Variants in ZFR observed in about 807,000 individuals in gnomAD.
The protein encoded by ZFR is zinc finger RNA-binding protein.
In ZFR, 19 loss-of-function variants were observed where a neutral mutation model predicts 130.7. That is an observed-to-expected ratio of 0.15 (90% CI 0.10 to 0.21). The LOEUF is 0.21. Among genes scored for constraint, ZFR ranks in the 10% least tolerant of loss-of-function variants. ZFR has a pLI of 1.00. For missense variants in ZFR, 872 were observed against 1,321.5 expected (o/e 0.66, Z 5.27); for synonymous variants, 466 against 456.9 (o/e 1.02, Z -0.25).
intron 5 of ZFR, among the ~76,000 whole-genome samples, chr5:32,409,195 G>A (rs1445980504): frequency 1.3e-5 from 2 of 152,168 alleles, no homozygotes; most frequent in Non-Finnish European, 2.9e-5. Flanking sequence ...GAAATATGGT[G>A]AATAGGCAGT....
intron 2 of ZFR, among the ~76,000 whole-genome samples, chr5:32,423,750 A>G (rs1238132077): frequency 1.3e-5 from 2 of 152,184 alleles, no homozygotes; most frequent in East Asian, 1.9e-4. Flanking sequence ...AAACCTAGAG[A>G]CATAGCATTT....
At chr5:32,435,019 G>A (rs541595748) in intron 2 of ZFR, among the ~76,000 whole-genome samples, 4 of 152,144 alleles carry the variant, frequency 2.6e-5, no homozygotes, top group African/African-American at 4.8e-5. Context: ...CCCAGGCTCC[G>A]GTGATCCTCC....
In ZFR at chr5:32,363,933, T is replaced by G; in HGVS notation, c.3045+15A>C. 1 of 1,610,746 alleles carries G rather than the reference T, an allele frequency of 6.2e-7. No homozygotes were observed. The highest frequency in any genetic ancestry group is 1.1e-5 in the South Asian group (1 of 90,670). ...GAGTAACCCAATAGGGCTCTGAATTTAGGAATACCAGTACCTGTGCACTGG... is the reference window on the plus strand; with the variant it reads ...GAGTAACCCAATAGGGCTCTGAATTGAGGAATACCAGTACCTGTGCACTGG... On this transcript the variant is annotated intron_variant, in intron 19 of 19. Coordinates refer to ENST00000265069, the MANE Select transcript of ZFR (RefSeq NM_016107.5).
intron 2 of ZFR, among the ~76,000 whole-genome samples, chr5:32,424,325 C>T (rs1293652855): frequency 3.3e-5 from 5 of 152,034 alleles, no homozygotes; most frequent in Admixed American, 6.6e-5. Context: ...GGGTGGATCA[C>T]GAGGTCAGGA....
At chr5:32,400,237 AT>A in intron 8 of ZFR, 34 bp from the exon 9 acceptor site, 2 of 1,473,484 alleles carry the variant, frequency 1.4e-6, no homozygotes, top group Non-Finnish European at 1.8e-6. Flanking sequence ...AAAAAATTTT[AT>A]TTTTGTATAA....
chr5:32,412,774 C>A (rs1371787151), intron 5 of ZFR, among the ~76,000 whole-genome samples: 2 of 152,020 alleles, frequency 1.3e-5, no homozygotes, highest in Non-Finnish European at 2.9e-5. Flanking sequence ...TTGAAAATAG[C>A]CTTTAAGAGA....
chr5:32,394,171 A>G (rs1753243421), intron 11 of ZFR, among the ~76,000 whole-genome samples: 1 of 152,252 alleles, frequency 6.6e-6, no homozygotes. Context: ...CACAGCAGCA[A>G]TACTCATAAT....
chr5:32,444,570 CGGGGCCAGGGAG>C (rs968877510), intron 1 of ZFR, 40 bp downstream of exon 1: 6 of 1,445,430 alleles, frequency 4.2e-6, no homozygotes, highest in Non-Finnish European at 5.5e-6. Context: ...CCCCGCTGCC[CGGGGCCAGGGAG>C]GGGGCCGGGC....
chr5:32,437,117 C>T (rs1754355838), intron 2 of ZFR, among the ~76,000 whole-genome samples: 1 of 152,148 alleles, frequency 6.6e-6, no homozygotes, highest in African/African-American at 2.4e-5. Flanking sequence ...AATACTTTTC[C>T]TTTGTCTAAA....
intron 17 of ZFR, among the ~76,000 whole-genome samples, chr5:32,375,621 T>C (rs1752786509): frequency 6.6e-6 from 1 of 151,758 alleles, no homozygotes; most frequent in Non-Finnish European, 1.5e-5. Context: ...ATCTTCCCAC[T>C]TCAGTCTCTC....
In ZFR at chr5:32,355,777, C is replaced by A; in HGVS notation, c.3208G>T (p.Asp1070Tyr). ...GACACTTTTTAAAAGTTATCATAAT[C>A]TTTTTTGTCTTTTTTCCCCTCAGCT... is the stretch of plus-strand genomic sequence containing the variant. ...FEAEGKKDKK[D>Y]YDNF The change falls in exon 20 of 20, where the codon GAT (aspartate) becomes TAT (tyrosine). Residue 1070 changes from aspartate to tyrosine, a missense_variant. Physicochemically the swap from Asp to Tyr is radical, Grantham distance 160 (BLOSUM62 -3). Coordinates refer to ENST00000265069, the MANE Select transcript of ZFR (RefSeq NM_016107.5). 1 of 1,586,034 alleles carries A rather than the reference C, an allele frequency of 6.3e-7. No homozygotes were observed. Among genetic ancestry groups the A allele is most frequent in the East Asian group, 2.3e-5 (1 of 43,246 alleles).
At position 32,419,900 on chromosome 5, in the gene ZFR, G is replaced by T; in HGVS notation, c.341C>A (p.Thr114Lys). 1 of 1,613,996 alleles carries T rather than the reference G, an allele frequency of 6.2e-7. No individual in the cohort carries two copies. The highest frequency in any genetic ancestry group is 8.5e-7 in the Non-Finnish European group (1 of 1,179,948). ...AAYGGYPTAH[T>K]ATDYGYTQRQ... is the part of the protein sequence containing the mutation. ...CTGAGTATAACCATAGTCAGTTGCT[G>T]TGTGTGCAGTGGGGTAGCCTCCATA... The change falls in exon 3 of 20, where the codon ACA (threonine) becomes AAA (lysine). Residue 114 changes from threonine (T) to lysine (K), a missense_variant. Coordinates refer to ENST00000265069, the MANE Select transcript of ZFR (RefSeq NM_016107.5).
chr5:32,369,211 G>A (rs1752608570), intron 17 of ZFR, among the ~76,000 whole-genome samples: 1 of 151,856 alleles, frequency 6.6e-6, no homozygotes, highest in South Asian at 2.1e-4. Context: ...TGTTTTTTTT[G>A]TAAGCTGAGA....
chr5:32,357,681 T>A (rs1752344211), intron 19 of ZFR, among the ~76,000 whole-genome samples: 1 of 152,254 alleles, frequency 6.6e-6, no homozygotes. Flanking sequence ...TTCCTGTATT[T>A]ACAGCCTTCT....
intron 15 of ZFR, among the ~76,000 whole-genome samples, chr5:32,384,582 T>C (rs1238932833): frequency 1.3e-5 from 2 of 152,194 alleles, no homozygotes; most frequent in Non-Finnish European, 2.9e-5. Context: ...AGTACCCTCT[T>C]CCTCCTCAAC....
intron 15 of ZFR, among the ~76,000 whole-genome samples, chr5:32,381,040 G>A (rs904326263): frequency 6.6e-6 from 1 of 151,992 alleles, no homozygotes; most frequent in African/African-American, 2.4e-5. Flanking sequence ...AAAATTTAAA[G>A]TTCCCATAAA....
intron 3 of ZFR, among the ~76,000 whole-genome samples, chr5:32,418,174 G>A (rs193181139): frequency 6.6e-6 from 1 of 151,610 alleles, no homozygotes; most frequent in Admixed American, 6.6e-5. Context: ...GCAGGAGAAT[G>A]GCATGAACCC....
At chr5:32,398,723 A>G (rs2331008) in intron 9 of ZFR, among the ~76,000 whole-genome samples, 142,416 of 152,018 alleles carry the variant, frequency 0.94, 66,804 homozygotes, top group African/African-American at 0.97. Flanking sequence ...GTCTCACTCT[A>G]TTGCCCAGGC....
chr5:32,360,176 A>G lies in ZFR; in HGVS notation c.3045+3772T>C, dbSNP rs77269545. Among the ~76,000 whole-genome samples the G allele has an allele frequency of 3.2e-3, 480 of 152,308 alleles. 4 individuals carry two copies. The highest frequency in any genetic ancestry group is 6.8e-3 in the Middle Eastern group (2 of 294). ...AAATTTTACAGTCACTTGATTAAAC[A>G]GCAACTTTCTCTACATAGTTATAGC... On this transcript the variant is annotated intron_variant, in intron 19 of 19. Coordinates refer to ENST00000265069, the MANE Select transcript of ZFR (RefSeq NM_016107.5).
Sources: allele counts gnomAD v4.1 joint callset (sites outside exome capture counted in the v4.1 genomes callset), GRCh38; gene constraint gnomAD v4.1.1; transcripts MANE v1.5; gene names NCBI Gene and HGNC (gene_info 2026-07-23, HGNC 2026-07-21).